TBXT: variants seen among roughly 807,000 people sequenced by gnomAD.
TBXT encodes T brachyury transcription factor.
A neutral mutation model predicts 41.1 loss-of-function variants in TBXT; 19 were observed. That is an observed-to-expected ratio of 0.46 (90% CI 0.32 to 0.68). TBXT has a LOEUF of 0.68. Ranked by LOEUF, TBXT falls within the 30% of genes least tolerant of loss-of-function variation. The probability of loss-of-function intolerance (pLI) is 0.03; values close to 1 mark genes in which losing one functional copy is unlikely to be tolerated. For missense variants in TBXT, 536 were observed against 582.0 expected, an observed-to-expected ratio of 0.92 and a Z score of 0.81; for synonymous variants, 213 against 238.9, an observed-to-expected ratio of 0.89 and a Z score of 1.00.
chr6:166,158,198 G>C lies in TBXT; in HGVS notation c.*117C>G. 1 of 1,509,498 alleles carries C rather than the reference G, an allele frequency of 6.6e-7. No homozygotes were observed. Among genetic ancestry groups the C allele is most frequent in the Non-Finnish European group, 9.2e-7 (1 of 1,089,826 alleles). 93.5% of individuals were successfully genotyped at this position (1,509,498 alleles called of 1,614,324 possible). A position where few individuals can be genotyped will look rare whatever the true frequency, so the allele number is the denominator to read the frequency against. On this transcript the variant is annotated 3_prime_UTR_variant, in exon 8 of 8. Coordinates refer to ENST00000366876, the MANE Select transcript of TBXT (RefSeq NM_001366285.2). ...ACTGCTTTGAAAAGGAAGTTACTGA[G>C]GCTGCATTTCCTTCTTAACCTGAGA...
chr6:166,167,362 C>A, intron 1 of TBXT, 24 bp downstream of exon 1: 1 of 1,611,216 alleles, frequency 6.2e-7, no homozygotes, highest in South Asian at 1.1e-5. Context: ...GCGCGGCGCG[C>A]GCGGGCTCCG....
chr6:166,167,692 C>A lies in TBXT; in HGVS notation c.-101G>T, dbSNP rs528339157. 2.7e-5 allele frequency: 40 copies of A among 1,470,668 alleles called. No individual in the cohort carries two copies. The highest frequency in any genetic ancestry group is 3.6e-5 in the Non-Finnish European group (39 of 1,093,070). The allele number at this position is 1,470,668 out of a possible 1,614,324, so 91.1% of individuals were successfully genotyped here. A position where few individuals can be genotyped will look rare whatever the true frequency, so the allele number is the denominator to read the frequency against. On this transcript the variant is annotated 5_prime_UTR_variant, in exon 1 of 8. Transcript: ENST00000366876. The stretch of plus-strand genomic sequence containing the variant: ...GCCGCCGCCCTTCCGAGAAAAGGGG[C>A]CCCTTGGACCGAGACCTGCGACGGC...
In TBXT at chr6:166,162,753, C is replaced by T. The variant is rs1778998339; in HGVS notation, c.731-130G>A. 1.1e-5 allele frequency: 6 copies of T among 551,808 alleles called. 1 individual carries two copies. The South Asian group carries it at 1.1e-4, about 11-fold the overall frequency. 34.2% of individuals were successfully genotyped at this position (551,808 alleles called of 1,614,324 possible). A position where few individuals can be genotyped will look rare whatever the true frequency, so the allele number is the denominator to read the frequency against. ...GAGCCCAGGCCAGGGACTCTCCCTC[C>T]ATCACTCCAGAGAGCAGAGCCCAGG... On this transcript the variant is annotated intron_variant, in intron 5 of 7. Transcript: ENST00000366876.
Position 166,164,570 on chromosome 6 carries a change from C to T in TBXT, c.730+35G>A, listed in dbSNP as rs191226861. The T allele has an allele frequency of 2.2e-4, 362 of 1,613,036 alleles. 1 individual carries two copies. The African/African-American group carries it at 2.6e-3, about 12-fold the overall frequency. Reference sequence around the variant, plus strand: ...CTCTCAGCAAGTCTAGTCCCGATGACGCAGAATGACATGACAGAGTGCAAC... The same window carrying T: ...CTCTCAGCAAGTCTAGTCCCGATGATGCAGAATGACATGACAGAGTGCAAC... On this transcript the variant is annotated intron_variant, in intron 5 of 7. Transcript: ENST00000366876.
intron 5 of TBXT, among the ~76,000 whole-genome samples, chr6:166,164,257 A>G (rs1482267536): frequency 6.6e-6 from 1 of 152,172 alleles, no homozygotes; most frequent in Non-Finnish European, 1.5e-5. Flanking sequence ...ACCATTAATG[A>G]AAGCCTCAAA....
In TBXT at chr6:166,162,495, G is replaced by C. The variant is rs768845167; in HGVS notation, c.859C>G (p.Arg287Gly). 1 of 1,614,162 alleles carries C rather than the reference G, an allele frequency of 6.2e-7. No individual in the cohort carries two copies. The highest frequency in any genetic ancestry group is 1.7e-5 in the Admixed American group (1 of 60,030). The change falls in exon 6 of 8, where the codon CGG becomes GGG. Residue 287 changes from arginine to glycine, a missense_variant. Coordinates refer to ENST00000366876, the MANE Select transcript of TBXT (RefSeq NM_001366285.2). ...TAGGGGCTGGGGTAGGGTGAGGACC[G>C]GTGGCTCCTCAGGGTTGGGTACCTG... ...CDRYPTLRSH[R>G]SSPYPSPYAH...
chr6:166,161,806 C>G (rs1022639633), intron 6 of TBXT, among the ~76,000 whole-genome samples: 1 of 152,256 alleles, frequency 6.6e-6, no homozygotes, highest in Non-Finnish European at 1.5e-5. Context: ...ACCTGTAGTC[C>G]CAGCTCCTTG....
rs111968311 is a variant in TBXT at position 166,163,679 on chromosome 6, C to G, written c.730+926G>C. On this transcript the variant is annotated intron_variant, in intron 5 of 7. Coordinates refer to ENST00000366876, the MANE Select transcript of TBXT (RefSeq NM_001366285.2). ...GATTACAGGCGTGAGCCACCGTGCC[C>G]GTCCTCTTCTACACTCTTCAAGCTT... 3.9e-3 allele frequency among the ~76,000 whole-genome samples: 595 copies of G among 152,308 alleles called. 3 individuals are homozygous for G. The highest frequency in any genetic ancestry group is 0.014 in the African/African-American group (572 of 41,562).
intron 3 of TBXT, 56 bp downstream of exon 3, chr6:166,165,650 A>AGCAGCACACCACACC: frequency 2.5e-6 from 4 of 1,612,304 alleles, no homozygotes; most frequent in Non-Finnish European, 3.4e-6. Flanking sequence ...ATCTCCACGG[A>AGCAGCACACCACACC]GCAGCACACC....
Position 166,160,905 on chromosome 6 carries a change from G to T in TBXT, c.969C>A (p.Ser323Arg), listed in dbSNP as rs773484640. ...SMLQSHDNWS[S>R]LGMPAHPSML... is the part of the protein sequence containing the mutation. ...TGCTGGGATGGGCAGGCATTCCAAG[G>T]CTGGACCAATTGTCATGGGATTGCA... Residue 323 changes from serine (S) to arginine (R), a missense_variant, in exon 7 of 8, where the codon AGC becomes AGA. By Grantham distance (110) the Ser-to-Arg change is moderately radical (BLOSUM62 -1). Coordinates refer to ENST00000366876, the MANE Select transcript of TBXT (RefSeq NM_001366285.2). 7 of 1,614,040 alleles carry T rather than the reference G, an allele frequency of 4.3e-6. No individual in the cohort carries two copies. The highest frequency in any genetic ancestry group is 5.1e-6 in the Non-Finnish European group (6 of 1,180,040).
chr6:166,160,615 G>T (rs561614230), intron 7 of TBXT, among the ~76,000 whole-genome samples: 41 of 152,274 alleles, frequency 2.7e-4, no homozygotes, highest in Non-Finnish European at 3.7e-4. Flanking sequence ...GGGTTGTAAA[G>T]GAGCCCAGTC....
intron 3 of TBXT, among the ~76,000 whole-genome samples, chr6:166,165,218 T>TG (rs1779073726): frequency 6.6e-6 from 1 of 152,098 alleles, no homozygotes; most frequent in Non-Finnish European, 1.5e-5. Flanking sequence ...ACCAACAAGG[T>TG]ATCCAACTAA....
At chr6:166,167,201 T>G (rs1399339427) in intron 1 of TBXT, among the ~76,000 whole-genome samples, 185 bp downstream of exon 1, 1 of 152,180 alleles carries the variant, frequency 6.6e-6, no homozygotes, top group Non-Finnish European at 1.5e-5. Flanking sequence ...TCCCCAAGCT[T>G]CCGCGGAGAA....
Position 166,167,443 on chromosome 6 carries a change from T to A in TBXT, c.149A>T (p.Glu50Val). The part of the protein sequence containing the change: ...RELRVGLEES[E>V]LWLRFKELTN... ...GAGCTCCTTGAAGCGCAGCCACAGC[T>A]CGCTCTCCTCCAGGCCCACGCGCAG... Residue 50 changes from glutamate (E) to valine (V), a missense_variant, in exon 1 of 8, where the codon GAG (glutamate) becomes GTG (valine). Coordinates refer to ENST00000366876, the MANE Select transcript of TBXT (RefSeq NM_001366285.2). 6.2e-7 allele frequency: 1 copy of A among 1,613,124 alleles called. No individual in the cohort carries two copies. The highest frequency in any genetic ancestry group is 8.5e-7 in the Non-Finnish European group (1 of 1,179,944).
chr6:166,161,716 A>T (rs1778961049), intron 6 of TBXT, among the ~76,000 whole-genome samples: 1 of 152,104 alleles, frequency 6.6e-6, no homozygotes, highest in South Asian at 2.1e-4. Context: ...AGGTCAGAAG[A>T]TCGAGACCAT....
chr6:166,161,178 G>C (rs890473078), intron 6 of TBXT, among the ~76,000 whole-genome samples: 1 of 152,136 alleles, frequency 6.6e-6, no homozygotes, highest in African/African-American at 2.4e-5. Flanking sequence ...ACATACCCTG[G>C]TAAACCCAAG....
At position 166,166,859 on chromosome 6, in the gene TBXT, G is replaced by A. The variant is rs778422148; in HGVS notation, c.207-3C>T. On this transcript the variant is annotated splice_region_variant and splice_polypyrimidine_tract_variant and intron_variant, in intron 1 of 7. Transcript: ENST00000366876. The stretch of plus-strand genomic sequence containing the variant: ...CCTTCAGCACCGGAAACATCCTCCT[G>A]GAAAACACGGGGCGGGCGCAGGAGG... 3.1e-6 allele frequency: 5 copies of A among 1,613,492 alleles called. No individual in the cohort carries two copies. Among genetic ancestry groups the A allele is most frequent in the African/African-American group, 1.3e-5 (1 of 74,952 alleles).
rs569261178 is a variant in TBXT, at chr6:166,164,433, G to A, written c.730+172C>T. 1.1e-3 allele frequency among the ~76,000 whole-genome samples: 170 copies of A among 152,280 alleles called. 1 individual carries two copies. Among genetic ancestry groups the A allele is most frequent in the Non-Finnish European group, 1.4e-3 (97 of 68,018 alleles). On this transcript the variant is annotated intron_variant, in intron 5 of 7. Coordinates refer to ENST00000366876, the MANE Select transcript of TBXT (RefSeq NM_001366285.2). ...GCCCCGATTAGAGCAGAGGTTAGAT[G>A]GGCAACACAGCTTCAACATCACAGG...
intron 5 of TBXT, among the ~76,000 whole-genome samples, chr6:166,164,351 C>A (rs1249757403): frequency 6.6e-6 from 1 of 152,236 alleles, no homozygotes; most frequent in East Asian, 1.9e-4. Context: ...TGATCCACCC[C>A]AGGCATGGTG....
Sources: gnomAD v4.1 joint callset for allele counts (sites outside exome capture counted in the v4.1 genomes callset) on GRCh38, gnomAD v4.1.1 for gene constraint, MANE v1.5 for transcripts, NCBI Gene and HGNC (gene_info 2026-07-23, HGNC 2026-07-21) for gene names.